The following LRRC8A variants were observed in gnomAD, a reference collection of about 807,000 sequenced individuals.
The protein encoded by LRRC8A is volume-regulated anion channel subunit LRRC8A.
Under a neutral mutation model 52.5 loss-of-function variants are expected in LRRC8A, and 24 were observed. That is an observed-to-expected ratio of 0.46 (90% CI 0.33 to 0.64). LRRC8A has a LOEUF of 0.64. LRRC8A is among the 30% of genes least tolerant of loss of function. The pLI is 0.02. For synonymous variants in LRRC8A, 492 were observed against 494.2 expected, an observed-to-expected ratio of 1.00 and a Z score of 0.06; for missense variants, 677 against 1,094.7, an observed-to-expected ratio of 0.62 and a Z score of 5.38.
At position 128,907,408 on chromosome 9, in the gene LRRC8A, C is replaced by G; in HGVS notation, c.244C>G (p.Pro82Ala). 10 of 1,613,436 alleles carry G rather than the reference C, an allele frequency of 6.2e-6. No individual in the cohort carries two copies. Among genetic ancestry groups the G allele is most frequent in the Non-Finnish European group, 8.5e-6 (10 of 1,180,028 alleles). The part of the protein sequence containing the change: ...WAAPGPEPTY[P>A]NSTILPTPDT... ...AGCCCCTGGCCCGGAGCCCACCTAC[C>G]CCAACTCCACCATTCTGCCGACCCC... Residue 82 changes from proline to alanine, a missense_variant, in exon 3 of 4, where the codon CCC (proline) becomes GCC (alanine). By Grantham distance (27) the Pro-to-Ala change is conservative. Around this residue, in one of 4 missense-constraint regions of LRRC8A, gnomAD observed 54 missense variants for 49.7 expected, o/e 1.09. Transcript: ENST00000372600. The surrounding 1 kb of genome is among the most constrained non-coding windows in gnomAD (Gnocchi z 9.3).
intron 1 of LRRC8A, chr9:128,885,538 C>G (rs901418342): frequency 2.6e-5 from 4 of 152,310 alleles, no homozygotes; most frequent in African/African-American, 9.7e-5. Context: ...CAGCAGAGCT[C>G]TGAGCTCTCA....
chr9:128,908,601 A>G lies in LRRC8A; in HGVS notation c.1437A>G (p.Thr479=), dbSNP rs1840357155. The G allele has an allele frequency of 6.2e-7, 1 of 1,612,590 alleles. No homozygotes were observed. Among genetic ancestry groups the G allele is most frequent in the Non-Finnish European group, 8.5e-7 (1 of 1,179,960 alleles). ...TGLKELWLYH[T]AAKIEAPALA... is the part of the protein sequence containing the mutation. ...TCAAGGAGCTGTGGCTCTACCACAC[A>G]GCGGCCAAGATTGAAGCGCCCGCGC... Residue 479 remains threonine, a synonymous_variant, in exon 3 of 4, where the codon ACA becomes ACG. Coordinates refer to ENST00000372600, the MANE Select transcript of LRRC8A (RefSeq NM_019594.4).
rs183046151 is a variant in LRRC8A, at chr9:128,899,996, C to A, written c.-8-7161C>A. 5.3e-5 allele frequency among the ~76,000 whole-genome samples: 8 copies of A among 152,210 alleles called. No homozygotes were observed. The highest frequency in any genetic ancestry group is 7.3e-5 in the Non-Finnish European group (5 of 68,032). On this transcript the variant is annotated intron_variant, in intron 2 of 3. Transcript: ENST00000372600. The surrounding 1 kb of genome is among the most constrained non-coding windows in gnomAD (Gnocchi z 4.0). ...GTGCAGGGGAGAATCTGGCCTTGGC[C>A]TTGGTTGTCTGTTTCTGAACTGGAA...
intron 1 of LRRC8A, chr9:128,882,649 A>G (rs1839123731): frequency 7.5e-6 from 3 of 398,922 alleles, no homozygotes; most frequent in Non-Finnish European, 8.8e-6. Context: ...TTCTTTTTCA[A>G]AGATTTCCTT....
In LRRC8A at chr9:128,916,354, G is replaced by A. The variant is rs1840819644; in HGVS notation, c.2416G>A (p.Asp806Asn). ...PEVKERLWRA[D>N]KEQA ...GGTGAAGGAGCGGCTGTGGAGGGCTGACAAGGAGCAGGCCTGAGCGAGGCC... is the reference window on the plus strand; with the variant it reads ...GGTGAAGGAGCGGCTGTGGAGGGCTAACAAGGAGCAGGCCTGAGCGAGGCC... Residue 806 changes from aspartate (D) to asparagine (N), a missense_variant, in exon 4 of 4, where the codon GAC (aspartate) becomes AAC (asparagine). Asp to Asn is a conservative substitution (Grantham distance 23). Around this residue, in one of 4 missense-constraint regions of LRRC8A, gnomAD observed 169 missense variants for 217.6 expected, o/e 0.78. Coordinates refer to ENST00000372600, the MANE Select transcript of LRRC8A (RefSeq NM_019594.4). The surrounding 1 kb of genome is among the most constrained non-coding windows in gnomAD (Gnocchi z 6.1). The A allele has an allele frequency of 1.2e-6, 2 of 1,611,412 alleles. No homozygotes were observed.
At chr9:128,883,086 G>T (rs1177738710) in intron 1 of LRRC8A, among the ~76,000 whole-genome samples, 1 of 152,212 alleles carries the variant, frequency 6.6e-6, no homozygotes, top group Non-Finnish European at 1.5e-5. Context: ...TGGGAAGGAG[G>T]GATGGGTCGG....
chr9:128,916,104 G>C lies in LRRC8A; in HGVS notation c.2166G>C (p.Thr722=), dbSNP rs1335497677. 4 of 1,603,838 alleles carry C rather than the reference G, an allele frequency of 2.5e-6. No homozygotes were observed. The African/African-American group carries it at 5.4e-5, about 21-fold the overall frequency. Residue 722 remains threonine (T), a synonymous_variant, in exon 4 of 4, where the codon ACG becomes ACC. Transcript: ENST00000372600. This position sits in a 1 kb window ranked among gnomAD's most constrained non-coding sequence, Gnocchi z 6.1. The part of the protein sequence containing the change: ...NLAITANRIE[T]LPPELFQCRK... ...TGCTTTTTTCCCTCCAGATCGAGAC[G>C]CTCCCTCCGGAGCTCTTCCAGTGCC...
rs1840283154 is a variant in LRRC8A, at chr9:128,907,121, C to G, written c.-8-36C>G. 1 of 1,539,578 alleles carries G rather than the reference C, an allele frequency of 6.5e-7. No individual in the cohort carries two copies. Among genetic ancestry groups the G allele is most frequent in the Non-Finnish European group, 8.9e-7 (1 of 1,128,552 alleles). On this transcript the variant is annotated intron_variant, in intron 2 of 3. Transcript: ENST00000372600. This position sits in a 1 kb window ranked among gnomAD's most constrained non-coding sequence, Gnocchi z 9.3. ...CCCTGGTCCTAGGAAAGCCAGGCCACCCTGTGCTAACCCCCCTCCTATGGC... is the reference window on the plus strand; with the variant it reads ...CCCTGGTCCTAGGAAAGCCAGGCCAGCCTGTGCTAACCCCCCTCCTATGGC...
chr9:128,891,047 G>C (rs917357696), intron 2 of LRRC8A, among the ~76,000 whole-genome samples: 11 of 151,846 alleles, frequency 7.2e-5, no homozygotes, highest in Non-Finnish European at 1.5e-4. Flanking sequence ...GAGGCAGGTG[G>C]ATCACCTGAG....
chr9:128,890,029 C>G (rs1385183914), intron 2 of LRRC8A, among the ~76,000 whole-genome samples: 1 of 152,024 alleles, frequency 6.6e-6, no homozygotes, highest in Non-Finnish European at 1.5e-5. Context: ...TCTCGAACTC[C>G]TGACCTCAGG....
chr9:128,898,041 TGTGTGTG>T (rs1839888939), intron 2 of LRRC8A, among the ~76,000 whole-genome samples: 1 of 122 alleles, frequency 8.2e-3, no homozygotes, highest in Non-Finnish European at 0.016. Flanking sequence ...GATTGTTCAG[TGTGTGTG>T]TGTGTGTGTG....
In LRRC8A at chr9:128,911,491, AC is replaced by A. The variant is rs372661923; in HGVS notation, c.2157+2173del. 9.2e-5 allele frequency among the ~76,000 whole-genome samples: 14 copies of A among 152,150 alleles called. No individual in the cohort carries two copies. In the East Asian group the frequency reaches 1.9e-3, roughly 21 times the overall value. ...CCTTCTTTAATCTGTGGAGGGGGAG[AC>A]CCTGTGGCTTCCCCATAGCACAGTG... On this transcript the variant is annotated intron_variant, in intron 3 of 3. Transcript: ENST00000372600. The surrounding 1 kb of genome is among the most constrained non-coding windows in gnomAD (Gnocchi z 4.9).
intron 2 of LRRC8A, among the ~76,000 whole-genome samples, chr9:128,900,662 C>G (rs1839990335): frequency 6.6e-6 from 1 of 152,134 alleles, no homozygotes; most frequent in African/African-American, 2.4e-5. Flanking sequence ...GAGCTGAGAT[C>G]ATGCCACTGC....
rs1216632055 is a variant in LRRC8A at position 128,917,330 on chromosome 9, G to A, written c.*959G>A. The A allele has an allele frequency of 6.6e-6, 1 of 152,494 alleles. No homozygotes were observed. Among genetic ancestry groups the A allele is most frequent in the Non-Finnish European group, 1.5e-5 (1 of 68,036 alleles). The allele number at this position is 152,494 out of a possible 1,614,324, so 9.4% of individuals were successfully genotyped here. A position where few individuals can be genotyped will look rare whatever the true frequency, so the allele number is the denominator to read the frequency against. ...TGTTTGTTTTTTGGGTTTTTTTGGT[G>A]TCTTGTTTTCTTTCTCCTCCATGTG... On this transcript the variant is annotated 3_prime_UTR_variant, in exon 4 of 4. Coordinates refer to ENST00000372600, the MANE Select transcript of LRRC8A (RefSeq NM_019594.4).
At position 128,882,211 on chromosome 9, in the gene LRRC8A, C is replaced by T. The variant is rs1052300950; in HGVS notation, c.-155C>T. 3 of 153,224 alleles carry T rather than the reference C, an allele frequency of 2.0e-5. No homozygotes were observed. Among genetic ancestry groups the T allele is most frequent in the East Asian group, 1.9e-4 (1 of 5,200 alleles). The allele number at this position is 153,224 out of a possible 1,614,324, so 9.5% of individuals were successfully genotyped here. A position where few individuals can be genotyped will look rare whatever the true frequency, so the allele number is the denominator to read the frequency against. ...GGCGGCGGGACGGAGCGGCCGGGGCCTGGGGCTGCCTGCCGGGCGGCCGGG... is the reference window on the plus strand; with the variant it reads ...GGCGGCGGGACGGAGCGGCCGGGGCTTGGGGCTGCCTGCCGGGCGGCCGGG... On this transcript the variant is annotated 5_prime_UTR_variant, in exon 1 of 4. Coordinates refer to ENST00000372600, the MANE Select transcript of LRRC8A (RefSeq NM_019594.4).
intron 2 of LRRC8A, among the ~76,000 whole-genome samples, chr9:128,900,229 C>T (rs2130985617): frequency 6.6e-6 from 1 of 152,342 alleles, no homozygotes; most frequent in Admixed American, 6.5e-5. Flanking sequence ...GGGGCCCACG[C>T]CCTGCAGCAC....
chr9:128,910,127 G>A (rs974146043), intron 3 of LRRC8A, among the ~76,000 whole-genome samples: 1 of 152,184 alleles, frequency 6.6e-6, no homozygotes, highest in African/African-American at 2.4e-5. Flanking sequence ...GTGGCTCTGT[G>A]GTCTGGCCTC....
At position 128,891,301 on chromosome 9, in the gene LRRC8A, G is replaced by A. The variant is rs145799907; in HGVS notation, c.-9+5180G>A. 5.8e-4 allele frequency among the ~76,000 whole-genome samples: 88 copies of A among 150,660 alleles called. No homozygotes were observed. The South Asian group carries it at 8.0e-3, about 14-fold the overall frequency. On this transcript the variant is annotated intron_variant, in intron 2 of 3. Coordinates refer to ENST00000372600, the MANE Select transcript of LRRC8A (RefSeq NM_019594.4). ...AAAAATTAGCCAGGTGTGGTGGCAT[G>A]TGCATGTAGTTCCAGCTACTTAGAG...
chr9:128,908,275 G>A lies in LRRC8A; in HGVS notation c.1111G>A (p.Asp371Asn). The change falls in exon 3 of 4, where the codon GAC (aspartate) becomes AAC (asparagine). Residue 371 changes from aspartate (D) to asparagine (N), a missense_variant. By Grantham distance (23) the Asp-to-Asn change is conservative. Around this residue, in one of 4 missense-constraint regions of LRRC8A, gnomAD observed 422 missense variants for 741.5 expected, o/e 0.57. Coordinates refer to ENST00000372600, the MANE Select transcript of LRRC8A (RefSeq NM_019594.4). ...CAGCGACATCCCCGACGTCAAGAAC[G>A]ACTTCGCCTTCATGCTGCACCTCAT... Reference protein sequence around the residue: ...SYSDIPDVKNDFAFMLHLIDQ... With the variant: ...SYSDIPDVKNNFAFMLHLIDQ... 1.9e-6 allele frequency: 3 copies of A among 1,614,108 alleles called. No individual in the cohort carries two copies. The highest frequency in any genetic ancestry group is 1.6e-4 in the Middle Eastern group (1 of 6,062).
Sources: allele counts gnomAD v4.1 joint callset (sites outside exome capture counted in the v4.1 genomes callset), GRCh38; gene constraint gnomAD v4.1.1; regional missense constraint gnomAD v4.1.1; non-coding constraint Gnocchi (gnomAD v3.1); transcripts MANE v1.5; gene names NCBI Gene and HGNC (gene_info 2026-07-23, HGNC 2026-07-21).